Variants in STX5 observed in about 807,000 individuals in gnomAD.
The protein encoded by STX5 is syntaxin 5.
In STX5, 15 loss-of-function variants were observed where a neutral mutation model predicts 42.9. That is an observed-to-expected ratio of 0.35 (90% CI 0.23 to 0.54). The LOEUF (loss-of-function observed/expected upper bound fraction) is 0.54. Ranked by LOEUF, STX5 falls within the 20% of genes least tolerant of loss-of-function variation. The pLI, the probability that STX5 is intolerant of heterozygous loss-of-function variation, is 0.91. For missense variants in STX5, 430 were observed against 455.0 expected (o/e 0.95, Z 0.50); for synonymous variants, 184 against 173.2 (o/e 1.06, Z -0.49).
chr11:62,824,795 C>A (rs767176702), intron 8 of STX5, among the ~76,000 whole-genome samples: 1 of 151,074 alleles, frequency 6.6e-6, no homozygotes, highest in South Asian at 2.1e-4. Flanking sequence ...ATAAAGTGTA[C>A]GAAAAAAAAT....
chr11:62,814,017 C>G (rs948646595), intron 10 of STX5, among the ~76,000 whole-genome samples: 5 of 152,172 alleles, frequency 3.3e-5, no homozygotes, highest in Non-Finnish European at 7.4e-5. Context: ...TTTATTTTCT[C>G]TCAGCCTTTT....
intron 10 of STX5, among the ~76,000 whole-genome samples, chr11:62,822,220 G>A (rs544247037): frequency 4.6e-5 from 7 of 151,724 alleles, no homozygotes; most frequent in East Asian, 1.9e-4. Context: ...AAAAGTAGCC[G>A]GGCATGGCGG....
Position 62,807,428 on chromosome 11 carries a change from G to C in STX5, c.*41C>G. 2 of 1,601,696 alleles carry C rather than the reference G, an allele frequency of 1.2e-6. No individual in the cohort carries two copies. Among genetic ancestry groups the C allele is most frequent in the Non-Finnish European group, 1.7e-6 (2 of 1,172,368 alleles). On this transcript the variant is annotated 3_prime_UTR_variant, in exon 11 of 11. Coordinates refer to ENST00000294179, the MANE Select transcript of STX5 (RefSeq NM_003164.5). ...GCACTGGCCACTTGCCTTCCCAGGA[G>C]GGTCCCAAACCCCAACAGAGTGCCT... is the stretch of plus-strand genomic sequence containing the variant.
At chr11:62,822,750 C>T (rs1306926253) in intron 10 of STX5, among the ~76,000 whole-genome samples, 1 of 140,810 alleles carries the variant, frequency 7.1e-6, no homozygotes, top group African/African-American at 2.6e-5. Flanking sequence ...TCACATCTAT[C>T]TCCCTATTAG....
In STX5 at chr11:62,831,226, G is replaced by C; in HGVS notation, c.18C>G (p.Arg6=). The C allele has an allele frequency of 6.4e-7, 1 of 1,562,378 alleles. No individual in the cohort carries two copies. The highest frequency in any genetic ancestry group is 8.7e-7 in the Non-Finnish European group (1 of 1,152,152). ...CCTGATCCGTGTTCTTAGACCCGTA[G>C]CGTTTCCGCGGGATCATTGAGACGC... MIPRK[R]YGSKNTDQGV... The change falls in exon 2 of 11, where the codon CGC becomes CGG. Residue 6 remains arginine (R), a synonymous_variant. Coordinates refer to ENST00000294179, the MANE Select transcript of STX5 (RefSeq NM_003164.5).
intron 10 of STX5, among the ~76,000 whole-genome samples, chr11:62,809,907 G>A (rs550250967): frequency 4.7e-5 from 7 of 150,470 alleles, no homozygotes; most frequent in East Asian, 2.0e-4. Context: ...TTTGAGACCC[G>A]CCTGACCAAC....
chr11:62,818,737 C>G (rs920229862), intron 10 of STX5, among the ~76,000 whole-genome samples: 2 of 150,154 alleles, frequency 1.3e-5, no homozygotes, highest in Admixed American at 1.3e-4. Flanking sequence ...GTGGTGTATG[C>G]CTGTAGCTCC....
intron 10 of STX5, among the ~76,000 whole-genome samples, chr11:62,819,908 G>A (rs2134833813): frequency 1.3e-5 from 2 of 149,968 alleles, no homozygotes; most frequent in South Asian, 4.2e-4. Flanking sequence ...CACCATTTTG[G>A]CCAAGCAGGT....
chr11:62,810,589 G>A (rs1432858229), intron 10 of STX5, among the ~76,000 whole-genome samples: 2 of 152,214 alleles, frequency 1.3e-5, no homozygotes, highest in Non-Finnish European at 2.9e-5. Flanking sequence ...AGCAACATTA[G>A]ATCAGTGGTT....
rs748235905 is a variant in STX5 at position 62,831,107 on chromosome 11, G to A, written c.137C>T (p.Thr46Ile). Residue 46 changes from threonine to isoleucine, a missense_variant, in exon 2 of 11, where the codon ACC becomes ATC. Coordinates refer to ENST00000294179, the MANE Select transcript of STX5 (RefSeq NM_003164.5). ...SDIAPLPPPV[T>I]LVPPPPDTMS... ...GGTGTCGGGAGGGGGAGGGACGAGG[G>A]TCACTGGGGGGGGCAGAGGGGCGAT... 9 of 1,554,196 alleles carry A rather than the reference G, an allele frequency of 5.8e-6. No individual in the cohort carries two copies. In the African/African-American group the frequency reaches 1.1e-4, roughly 19 times the overall value.
At position 62,807,338 on chromosome 11, in the gene STX5, T is replaced by C. The variant is rs2134796176; in HGVS notation, c.*131A>G. 7.2e-7 allele frequency: 1 copy of C among 1,391,778 alleles called. No homozygotes were observed. The highest frequency in any genetic ancestry group is 9.6e-7 in the Non-Finnish European group (1 of 1,046,112). The allele number at this position is 1,391,778 out of a possible 1,614,324, so 86.2% of individuals were successfully genotyped here. A position where few individuals can be genotyped will look rare whatever the true frequency, so the allele number is the denominator to read the frequency against. On this transcript the variant is annotated 3_prime_UTR_variant, in exon 11 of 11. Coordinates refer to ENST00000294179, the MANE Select transcript of STX5 (RefSeq NM_003164.5). ...AGGGGTGGGGGATCAGGGGCAGTGG[T>C]CATTCTTAGCAGTTCCAGGGAAACA...
At chr11:62,808,988 GT>G (rs930093577) in intron 10 of STX5, among the ~76,000 whole-genome samples, 2 of 152,054 alleles carry the variant, frequency 1.3e-5, no homozygotes, top group Non-Finnish European at 2.9e-5. Flanking sequence ...AAAAACTTTT[GT>G]TTTAAATATC....
At chr11:62,824,974 G>T in intron 8 of STX5, 62 bp downstream of exon 8, 1 of 1,543,954 alleles carries the variant, frequency 6.5e-7, no homozygotes. Flanking sequence ...TTTAGAGGAT[G>T]CCATCACAAC....
At chr11:62,827,740 T>C (rs2084812220) in intron 2 of STX5, 109 bp from the exon 3 acceptor site, 2 of 1,117,944 alleles carry the variant, frequency 1.8e-6, no homozygotes, top group Non-Finnish European at 2.6e-6. Context: ...GTGGCATCCA[T>C]CAGATGATCT....
chr11:62,824,881 G>C (rs555853642), intron 8 of STX5, 155 bp downstream of exon 8: 1 of 694,338 alleles, frequency 1.4e-6, no homozygotes, highest in Non-Finnish European at 2.4e-6. Context: ...TGTGGATCAC[G>C]AATCTCAACC....
chr11:62,831,836 G>A (rs943793734), intron 1 of STX5, 118 bp downstream of exon 1: 42 of 448,774 alleles, frequency 9.4e-5, no homozygotes, highest in Admixed American at 6.7e-4. Flanking sequence ...CCGGAGCCGG[G>A]CCGGCAGGAC....
intron 10 of STX5, among the ~76,000 whole-genome samples, chr11:62,812,074 T>C (rs909746135): frequency 2.6e-5 from 2 of 75,796 alleles, no homozygotes; most frequent in South Asian, 7.2e-4. Context: ...CTCAAATACC[T>C]TTTTTTTTTT....
At chr11:62,814,821 C>T (rs983430118) in intron 10 of STX5, among the ~76,000 whole-genome samples, 12 of 151,836 alleles carry the variant, frequency 7.9e-5, no homozygotes, top group Non-Finnish European at 1.2e-4. Context: ...CTCCAGCTCC[C>T]GACCTCAGGT....
intron 10 of STX5, among the ~76,000 whole-genome samples, chr11:62,815,053 G>C (rs1206654550): frequency 6.6e-6 from 1 of 151,800 alleles, no homozygotes. Context: ...CTCTTGCCAG[G>C]CTGCAGTGCA....
Sources: gnomAD v4.1 joint callset for allele counts (sites outside exome capture counted in the v4.1 genomes callset) on GRCh38, gnomAD v4.1.1 for gene constraint, MANE v1.5 for transcripts, NCBI Gene and HGNC (gene_info 2026-07-23, HGNC 2026-07-21) for gene names.